RALB: variants seen among roughly 807,000 people sequenced by gnomAD.
RALB encodes the protein RAS like proto-oncogene B.
RALB carries 16 observed loss-of-function variants against 21.3 expected under a neutral mutation model. The observed-to-expected ratio is 0.75, with a 90% CI of 0.51 to 1.14. The LOEUF (loss-of-function observed/expected upper bound fraction) is 1.14, where lower values mean the gene tolerates loss of function less well. Ranked by LOEUF, RALB falls within the 50% of genes most tolerant of loss-of-function variation. RALB has a pLI of 0.00. For synonymous variants in RALB, 93 were observed against 96.1 expected (o/e 0.97, Z 0.19); for missense variants, 161 against 256.2 (o/e 0.63, Z 2.54).
At chr2:120,276,202 A>T (rs758320272) in intron 1 of RALB, among the ~76,000 whole-genome samples, 1 of 152,260 alleles carries the variant, frequency 6.6e-6, no homozygotes, top group Non-Finnish European at 1.5e-5. Context: ...AGCCGCTGGC[A>T]TGCAGCTGTG....
intron 1 of RALB, among the ~76,000 whole-genome samples, chr2:120,262,707 T>C (rs1689397245): frequency 1.3e-5 from 2 of 152,186 alleles, no homozygotes. Flanking sequence ...AAGGCAAGAC[T>C]GTTTCTGTTA....
At chr2:120,277,561 T>G (rs1689840675) in intron 1 of RALB, among the ~76,000 whole-genome samples, 1 of 151,840 alleles carries the variant, frequency 6.6e-6, no homozygotes, top group African/African-American at 2.4e-5. Flanking sequence ...AAAGCGTGAG[T>G]GCACCTATGA....
intron 3 of RALB, among the ~76,000 whole-genome samples, chr2:120,286,760 C>T (rs1169756412): frequency 6.6e-6 from 1 of 152,174 alleles, no homozygotes; most frequent in Non-Finnish European, 1.5e-5. Context: ...TCCATTGTCC[C>T]CTGTCACAGT....
At chr2:120,254,380 C>G (rs1689143536) in intron 1 of RALB, among the ~76,000 whole-genome samples, 1 of 152,182 alleles carries the variant, frequency 6.6e-6, no homozygotes. Context: ...CCTTCCTTGC[C>G]CATTCACATT....
At chr2:120,272,347 T>C (rs1416651435) in intron 1 of RALB, among the ~76,000 whole-genome samples, 2 of 152,198 alleles carry the variant, frequency 1.3e-5, no homozygotes, top group East Asian at 3.8e-4. Flanking sequence ...GTCTAATTGC[T>C]TTGGGGAAAA....
At chr2:120,280,479 T>C (rs770602258) in intron 2 of RALB, among the ~76,000 whole-genome samples, 62 of 136,836 alleles carry the variant, frequency 4.5e-4, no homozygotes, top group Non-Finnish European at 7.6e-4. Flanking sequence ...ATATTCTCAC[T>C]CATAAGTGGG....
At chr2:120,280,507 G>A (rs1345255959) in intron 2 of RALB, among the ~76,000 whole-genome samples, 4 of 143,000 alleles carry the variant, frequency 2.8e-5, no homozygotes, top group South Asian at 4.7e-4. Context: ...CAATGAGAAC[G>A]CATGGACACA....
chr2:120,278,792 G>C lies in RALB; in HGVS notation c.114+14G>C. 6.6e-7 allele frequency: 1 copy of C among 1,505,390 alleles called. No homozygotes were observed. Among genetic ancestry groups the C allele is most frequent in the Non-Finnish European group, 8.9e-7 (1 of 1,121,494 alleles). The allele number at this position is 1,505,390 out of a possible 1,614,324, so 93.3% of individuals were successfully genotyped here. ...ATGTATGACGAGGTAAGCCCTGCTA[G>C]GCACAGACCACCTTCCTTTGGCATT... is the stretch of plus-strand genomic sequence containing the variant. On this transcript the variant is annotated intron_variant, in intron 2 of 4. Coordinates refer to ENST00000272519, the MANE Select transcript of RALB (RefSeq NM_002881.3).
rs998426944 is a variant in RALB at position 120,293,687 on chromosome 2, T to C, written c.*427T>C. 1 of 160,756 alleles carries C rather than the reference T, an allele frequency of 6.2e-6. No homozygotes were observed. Among genetic ancestry groups the C allele is most frequent in the Non-Finnish European group, 1.3e-5 (1 of 74,290 alleles). 10.0% of individuals were successfully genotyped at this position (160,756 alleles called of 1,614,324 possible). ...GGAGTAAGATGCCCTCCCACTTTTA[T>C]CAGTTTAGTAGTAGTACTGAGAAAA... On this transcript the variant is annotated 3_prime_UTR_variant, in exon 5 of 5. Transcript: ENST00000272519.
At position 120,259,228 on chromosome 2, in the gene RALB, C is replaced by G. The variant is rs536868463; in HGVS notation, c.-48+6248C>G. On this transcript the variant is annotated intron_variant, in intron 1 of 4. Transcript: ENST00000272519. ...AAGGGACCCCAGCGAGTTGCCAATG[C>G]TGGCTCGGGCAGCCTGCTTTTATTC... 3.9e-5 allele frequency among the ~76,000 whole-genome samples: 6 copies of G among 152,358 alleles called. No homozygotes were observed. The East Asian group carries it at 1.2e-3, about 29-fold the overall frequency.
chr2:120,289,856 TA>T (rs1196367375), intron 4 of RALB, 99 bp downstream of exon 4: 5 of 1,126,026 alleles, frequency 4.4e-6, no homozygotes, highest in Middle Eastern at 3.0e-4. Context: ...TTATGAAAAC[TA>T]GGTGAAGATT....
chr2:120,282,634 C>A (rs1690019534), intron 2 of RALB, among the ~76,000 whole-genome samples: 1 of 151,988 alleles, frequency 6.6e-6, no homozygotes, highest in African/African-American at 2.4e-5. Context: ...TCTCTTCTTT[C>A]TGTTCTCTTC....
chr2:120,251,404 G>A (rs1024705874), upstream of RALB, among the ~76,000 whole-genome samples: 1 of 152,212 alleles, frequency 6.6e-6, no homozygotes, highest in African/African-American at 2.4e-5. Flanking sequence ...CAAGTTCCTA[G>A]CACTGTACTG....
intron 3 of RALB, among the ~76,000 whole-genome samples, chr2:120,288,885 T>C (rs1690237048): frequency 6.6e-6 from 1 of 152,214 alleles, no homozygotes; most frequent in Non-Finnish European, 1.5e-5. Flanking sequence ...CATTACTGTG[T>C]CTGCATGGAA....
rs1459244728 is a variant in RALB, at chr2:120,252,880, A to G, written c.-148A>G. ...AGCGAGCCCGGCAGCTCAATGACAA[A>G]TCGGTGGAGGACGGCTGGGGTCCGG... On this transcript the variant is annotated 5_prime_UTR_variant, in exon 1 of 5. Transcript: ENST00000272519. 42 of 985,276 alleles carry G rather than the reference A, an allele frequency of 4.3e-5. No homozygotes were observed. In the Admixed American group the frequency reaches 1.9e-3, roughly 45 times the overall value. 61.0% of individuals were successfully genotyped at this position (985,276 alleles called of 1,614,324 possible).
chr2:120,276,611 G>GAA (rs1329782756), intron 1 of RALB, among the ~76,000 whole-genome samples: 1 of 137,026 alleles, frequency 7.3e-6, no homozygotes. Flanking sequence ...TCAAAAAAAA[G>GAA]AAAAAAAAAA....
chr2:120,268,363 T>C (rs1390054843), intron 1 of RALB, among the ~76,000 whole-genome samples: 1 of 152,262 alleles, frequency 6.6e-6, no homozygotes, highest in Non-Finnish European at 1.5e-5. Context: ...AGTAGTCTGC[T>C]AGTAAATCCC....
upstream of RALB, among the ~76,000 whole-genome samples, chr2:120,249,341 C>T (rs187076528): frequency 1.3e-5 from 2 of 152,224 alleles, no homozygotes; most frequent in African/African-American, 4.8e-5. Context: ...CCGTGTTAGT[C>T]CATTTTGTGT....
chr2:120,291,771 T>C (rs1012055407), intron 4 of RALB, among the ~76,000 whole-genome samples: 1 of 152,122 alleles, frequency 6.6e-6, no homozygotes, highest in Admixed American at 6.5e-5. Context: ...AGTGCTTTCC[T>C]GAGAGGCTGG....
Sources: gnomAD v4.1 joint callset for allele counts (sites outside exome capture counted in the v4.1 genomes callset) on GRCh38, gnomAD v4.1.1 for gene constraint, MANE v1.5 for transcripts, NCBI Gene and HGNC (gene_info 2026-07-23, HGNC 2026-07-21) for gene names.